Variants in MTMR10 observed in about 807,000 individuals in gnomAD.
MTMR10 encodes myotubularin related protein 10, also known as myotubularin-related protein 10.
MTMR10 carries 56 observed loss-of-function variants against 88.1 expected under a neutral mutation model. That is an observed-to-expected ratio of 0.64 (90% CI 0.51 to 0.79). The LOEUF is 0.79. MTMR10 is among the 30% of genes least tolerant of loss of function. MTMR10 has a pLI of 0.00. For missense variants in MTMR10, 883 were observed against 924.7 expected, an observed-to-expected ratio of 0.95 and a Z score of 0.58; for synonymous variants, 380 against 340.9, an observed-to-expected ratio of 1.11 and a Z score of -1.26.
intron 6 of MTMR10, among the ~76,000 whole-genome samples, chr15:30,963,368 T>G (rs751147424): frequency 6.6e-6 from 1 of 152,112 alleles, no homozygotes. Flanking sequence ...CGGTGGCTCA[T>G]GCCTGTAATC....
intron 2 of MTMR10, among the ~76,000 whole-genome samples, chr15:30,979,003 C>T (rs1386086055): frequency 1.3e-5 from 2 of 152,110 alleles, no homozygotes; most frequent in Non-Finnish European, 2.9e-5. Context: ...AGATTCTGGG[C>T]CACTGAATAC....
At chr15:30,973,781 G>A (rs191438557) in intron 5 of MTMR10, among the ~76,000 whole-genome samples, 46 of 152,266 alleles carry the variant, frequency 3.0e-4, no homozygotes, top group East Asian at 2.1e-3. Context: ...CTGGAAGGCC[G>A]TGGAAAAATA....
downstream of MTMR10, among the ~76,000 whole-genome samples, chr15:30,934,557 A>AT (rs1426551920): frequency 6.6e-6 from 1 of 151,460 alleles, no homozygotes; most frequent in Non-Finnish European, 1.5e-5. Context: ...TGGTTTTTGT[A>AT]TTTTTTAGAG....
In MTMR10 at chr15:30,961,048, T is replaced by G. The variant is rs1053865180; in HGVS notation, c.591A>C (p.Ser197=). ...CTCCTCCTCCTCCTCCTCCATCTCC[T>G]GAGGGAATTCCATTAATTTTGTTTG... The part of the protein sequence containing the change: ...NSANKINGIP[S]GDGGGGGGGG... Residue 197 remains serine (S), a synonymous_variant, in exon 7 of 16, where the codon TCA becomes TCC. Transcript: ENST00000435680. The G allele has an allele frequency of 1.3e-6, 2 of 1,552,406 alleles. No homozygotes were observed. Among genetic ancestry groups the G allele is most frequent in the African/African-American group, 2.7e-5 (2 of 73,220 alleles).
At chr15:30,972,895 C>T (rs1315801119) in intron 5 of MTMR10, among the ~76,000 whole-genome samples, 2 of 152,072 alleles carry the variant, frequency 1.3e-5, no homozygotes, top group African/African-American at 2.4e-5. Context: ...TTGAACTTTC[C>T]GAAAGAGATC....
chr15:30,943,120 G>T (rs545516024), intron 14 of MTMR10, 48 bp from the exon 15 acceptor site: 8 of 1,510,674 alleles, frequency 5.3e-6, no homozygotes, highest in African/African-American at 4.2e-5. Flanking sequence ...ATTCTCTCAT[G>T]AATGCCTTTT....
chr15:30,979,763 C>T (rs999541227), intron 2 of MTMR10, among the ~76,000 whole-genome samples: 18 of 152,210 alleles, frequency 1.2e-4, no homozygotes. Context: ...TTTACTGATG[C>T]ACGAATGTTA....
the MTMR10 span, chr15:30,926,695 T>C: frequency 3.0e-6 from 3 of 985,292 alleles, no homozygotes; most frequent in Non-Finnish European, 3.6e-6. Context: ...AATAGAAGAA[T>C]AGAATGCACA....
At chr15:30,964,286 A>G (rs966649140) in intron 6 of MTMR10, among the ~76,000 whole-genome samples, 5 of 152,316 alleles carry the variant, frequency 3.3e-5, no homozygotes, top group African/African-American at 1.2e-4. Context: ...AGCACTGAAT[A>G]CTTTTTAGTG....
intron 2 of MTMR10, among the ~76,000 whole-genome samples, chr15:30,982,299 T>C (rs149062049): frequency 3.3e-5 from 5 of 152,306 alleles, no homozygotes; most frequent in African/African-American, 9.6e-5. Context: ...GTTTAGCTAA[T>C]AGTATTGTTG....
chr15:30,928,692 C>T, the MTMR10 span: 1 of 1,612,880 alleles, frequency 6.2e-7, no homozygotes. Flanking sequence ...GTAGGTCCTT[C>T]TGCACACATC....
At chr15:30,938,849 T>C, downstream of MTMR10, 1 of 928,976 alleles carries the variant, frequency 1.1e-6, no homozygotes, top group Non-Finnish European at 1.3e-6. Flanking sequence ...AAACATCCCA[T>C]GGATGACACA....
intron 6 of MTMR10, among the ~76,000 whole-genome samples, chr15:30,964,654 T>C (rs2063451599): frequency 6.6e-6 from 1 of 152,216 alleles, no homozygotes; most frequent in South Asian, 2.1e-4. Context: ...TGGCCTGCTC[T>C]ATGAGTGGAT....
chr15:30,938,217 G>C (rs544408096), downstream of MTMR10, among the ~76,000 whole-genome samples: 6 of 152,076 alleles, frequency 3.9e-5, no homozygotes, highest in Admixed American at 2.0e-4. Context: ...AGCATAACCA[G>C]TGTTTCCTTC....
chr15:30,948,321 A>C lies in MTMR10; in HGVS notation c.1358T>G (p.Leu453Arg). ...TGTTACCTCTTTCTCTGATCTCTTT[A>C]GATGGTTGCATCTGTCTAGAAACTG... ...GYQFLDRCNH[L>R]KRSEKESPLF... The change falls in exon 13 of 16, where the codon CTA becomes CGA. Residue 453 changes from leucine to arginine, a missense_variant. Physicochemically the swap from Leu to Arg is moderately radical, Grantham distance 102. Transcript: ENST00000435680. The C allele has an allele frequency of 6.2e-7, 1 of 1,613,712 alleles. No individual in the cohort carries two copies. Among genetic ancestry groups the C allele is most frequent in the Non-Finnish European group, 8.5e-7 (1 of 1,179,768 alleles).
intron 14 of MTMR10, chr15:30,946,907 T>C: frequency 1.6e-6 from 1 of 615,648 alleles, no homozygotes; most frequent in Admixed American, 3.3e-5. Flanking sequence ...AGGGGTTTAC[T>C]ACAAAACATT....
At chr15:30,932,876 A>G in the MTMR10 span, among the ~76,000 whole-genome samples, 6 of 148,396 alleles carry the variant, frequency 4.0e-5, no homozygotes, top group Non-Finnish European at 8.9e-5. Flanking sequence ...CCATGCCTGG[A>G]TAATTTTTTT....
rs146549059 is a variant in MTMR10 at position 30,949,923 on chromosome 15, G to C, written c.1208-1452C>G. 10 of 152,324 alleles carry C rather than the reference G, an allele frequency of 6.6e-5. No individual in the cohort carries two copies. In the East Asian group the frequency reaches 1.9e-3, roughly 29 times the overall value. 9.4% of individuals were successfully genotyped at this position (152,324 alleles called of 1,614,324 possible). The stretch of plus-strand genomic sequence containing the variant: ...AATGCCCAGAAAGGGAAAATCTAGA[G>C]ACAGAAAGATTAGTGGCTGCCTGGA... On this transcript the variant is annotated intron_variant, in intron 12 of 15. Coordinates refer to ENST00000435680, the MANE Select transcript of MTMR10 (RefSeq NM_017762.3).
At chr15:30,927,910 A>G in the MTMR10 span, 2 of 985,624 alleles carry the variant, frequency 2.0e-6, no homozygotes, top group Admixed American at 6.1e-5. Flanking sequence ...CTCTCAGGTC[A>G]TCTCCCAGTC....
Sources: allele counts gnomAD v4.1 joint callset (sites outside exome capture counted in the v4.1 genomes callset), GRCh38; gene constraint gnomAD v4.1.1; transcripts MANE v1.5; gene names NCBI Gene and HGNC (gene_info 2026-07-23, HGNC 2026-07-21).